The following ANXA3 variants were observed in gnomAD, a reference collection of about 807,000 sequenced individuals.
ANXA3 encodes annexin A3, also known as 35-alpha calcimedin.
Under a neutral mutation model 48.8 loss-of-function variants are expected in ANXA3, and 46 were observed. The ratio of observed to expected loss-of-function variants is 0.94; its 90% CI spans 0.74 to 1.21. The LOEUF is 1.21. ANXA3 is among the 50% of genes most tolerant of loss of function. ANXA3 has a pLI of 0.00. For synonymous variants in ANXA3, 128 were observed against 134.7 expected, an observed-to-expected ratio of 0.95 and a Z score of 0.35; for missense variants, 383 against 378.6, an observed-to-expected ratio of 1.01 and a Z score of -0.10.
At chr4:78,571,674 A>G (rs1025427095) in intron 2 of ANXA3, among the ~76,000 whole-genome samples, 2 of 152,240 alleles carry the variant, frequency 1.3e-5, no homozygotes, top group African/African-American at 2.4e-5. Context: ...TACTGTAAAG[A>G]CAGATTTTTA....
At chr4:78,581,052 A>C (rs1162379058) in intron 4 of ANXA3, among the ~76,000 whole-genome samples, 1 of 152,216 alleles carries the variant, frequency 6.6e-6, no homozygotes, top group African/African-American at 2.4e-5. Flanking sequence ...GCTTGGATTG[A>C]GGACAGATGG....
At chr4:78,595,308 T>C in intron 7 of ANXA3, 73 bp from the exon 8 acceptor site, 8 of 1,516,490 alleles carry the variant, frequency 5.3e-6, no homozygotes, top group Non-Finnish European at 7.3e-6. Context: ...TAAGATCCCC[T>C]GCTGGTTGAA....
chr4:78,605,930 G>C (rs77713657), intron 12 of ANXA3, among the ~76,000 whole-genome samples: 1 of 152,230 alleles, frequency 6.6e-6, no homozygotes, highest in Non-Finnish European at 1.5e-5. Flanking sequence ...CCCCACACCT[G>C]CTCAGTAGCC....
chr4:78,602,425 T>G (rs2109949682), intron 11 of ANXA3: 1 of 152,216 alleles, frequency 6.6e-6, no homozygotes, highest in East Asian at 1.9e-4. Context: ...ACCACATTAT[T>G]TTCACTGCTT....
intron 5 of ANXA3, among the ~76,000 whole-genome samples, chr4:78,584,933 G>A (rs1389189737): frequency 1.3e-5 from 2 of 152,218 alleles, no homozygotes; most frequent in Admixed American, 6.5e-5. Flanking sequence ...GTGAAGCTCC[G>A]AGAAAACCTT....
chr4:78,559,360 G>T (rs1222178339), intron 2 of ANXA3, among the ~76,000 whole-genome samples: 1 of 152,106 alleles, frequency 6.6e-6, no homozygotes, highest in African/African-American at 2.4e-5. Flanking sequence ...TGGGATTACA[G>T]GTGTGAGCCA....
chr4:78,595,537 T>G, intron 8 of ANXA3, 100 bp downstream of exon 8: 9 of 1,301,222 alleles, frequency 6.9e-6, no homozygotes, highest in Non-Finnish European at 1.1e-6. Flanking sequence ...AACAGGGACT[T>G]TTCTTTTTTT....
chr4:78,592,648 T>C lies in ANXA3; in HGVS notation c.483+1025T>C, dbSNP rs191923716. ...AGGGCTGGAATCTCATGCTGCCAACTAGCTTTGTATATTTGGACAAGTTCT... is the reference window on the plus strand; with the variant it reads ...AGGGCTGGAATCTCATGCTGCCAACCAGCTTTGTATATTTGGACAAGTTCT... On this transcript the variant is annotated intron_variant, in intron 7 of 12. Coordinates refer to ENST00000264908, the MANE Select transcript of ANXA3 (RefSeq NM_005139.3). Among the ~76,000 whole-genome samples, 267 of 152,326 alleles carry C rather than the reference T, an allele frequency of 1.8e-3. 1 individual carries two copies. The highest frequency in any genetic ancestry group is 2.9e-3 in the Non-Finnish European group (197 of 68,020).
chr4:78,567,841 A>G (rs1246357907), intron 2 of ANXA3, among the ~76,000 whole-genome samples: 2 of 152,244 alleles, frequency 1.3e-5, no homozygotes, highest in African/African-American at 4.8e-5. Flanking sequence ...TCCTGCTTTT[A>G]GGCAAATGGA....
At chr4:78,585,949 T>C (rs1723166147) in intron 5 of ANXA3, among the ~76,000 whole-genome samples, 2 of 152,212 alleles carry the variant, frequency 1.3e-5, no homozygotes, top group Non-Finnish European at 2.9e-5. Flanking sequence ...GTTTGAATGT[T>C]GGTAGGGTTA....
Position 78,564,883 on chromosome 4 carries a change from A to G in ANXA3, c.16-8297A>G, listed in dbSNP as rs1423732263. On this transcript the variant is annotated intron_variant, in intron 2 of 12. Coordinates refer to ENST00000264908, the MANE Select transcript of ANXA3 (RefSeq NM_005139.3). ...TCATCTGGAGAGAGTGGCTCCAGAT[A>G]AGAGTCATGAAGGTGGTTGGGCCAA... 3.3e-5 allele frequency among the ~76,000 whole-genome samples: 5 copies of G among 152,180 alleles called. No individual in the cohort carries two copies. The East Asian group carries it at 9.6e-4, about 29-fold the overall frequency.
intron 10 of ANXA3, among the ~76,000 whole-genome samples, chr4:78,600,589 A>G (rs1389417223): frequency 6.6e-6 from 1 of 152,196 alleles, no homozygotes; most frequent in Non-Finnish European, 1.5e-5. Flanking sequence ...TGGGTTTCTA[A>G]TACATTTCTC....
chr4:78,563,707 G>A (rs2109927383), intron 2 of ANXA3, among the ~76,000 whole-genome samples: 1 of 152,268 alleles, frequency 6.6e-6, no homozygotes, highest in East Asian at 1.9e-4. Context: ...ATATCAGCCT[G>A]GAATGCTAAG....
At chr4:78,564,286 G>A (rs1035372599) in intron 2 of ANXA3, among the ~76,000 whole-genome samples, 1 of 152,162 alleles carries the variant, frequency 6.6e-6, no homozygotes, top group Admixed American at 6.5e-5. Context: ...CAGTGTACTA[G>A]AAAACACTCA....
In ANXA3 at chr4:78,553,428, C is replaced by T. The variant is rs143519717; in HGVS notation, c.-38-1008C>T. ...AACTGACCTCGTTCAATGCTGGCAA[C>T]ACCCCCTTCTTCACTTTTTACAGAT... On this transcript the variant is annotated intron_variant, in intron 1 of 12. Coordinates refer to ENST00000264908, the MANE Select transcript of ANXA3 (RefSeq NM_005139.3). Among the ~76,000 whole-genome samples the T allele has an allele frequency of 2.7e-3, 411 of 152,278 alleles. 7 individuals carry two copies. The highest frequency in any genetic ancestry group is 0.025 in the East Asian group (129 of 5,186).
chr4:78,593,665 C>T (rs1723352915), intron 7 of ANXA3, among the ~76,000 whole-genome samples: 1 of 143,352 alleles, frequency 7.0e-6, no homozygotes, highest in African/African-American at 2.9e-5. Context: ...GAGACAGGAT[C>T]TGGCTCTGTT....
At chr4:78,585,551 G>A (rs377438189) in intron 5 of ANXA3, among the ~76,000 whole-genome samples, 29 of 152,330 alleles carry the variant, frequency 1.9e-4, no homozygotes, top group Middle Eastern at 3.4e-3. Flanking sequence ...GAGAAACATA[G>A]CCTTTATATG....
rs1722691909 is a variant in ANXA3 at position 78,564,609 on chromosome 4, G to A, written c.16-8571G>A. On this transcript the variant is annotated intron_variant, in intron 2 of 12. Transcript: ENST00000264908. ...GGGTGGAGAGACAGATATAAACAGCGAGAGGTATTACTCAATGCTGAGTGC... is the reference window on the plus strand; with the variant it reads ...GGGTGGAGAGACAGATATAAACAGCAAGAGGTATTACTCAATGCTGAGTGC... Among the ~76,000 whole-genome samples, 4 of 152,274 alleles carry A rather than the reference G, an allele frequency of 2.6e-5. No individual in the cohort carries two copies. The South Asian group carries it at 8.3e-4, about 32-fold the overall frequency.
At chr4:78,602,155 G>C (rs899698910) in intron 11 of ANXA3, 1 of 149,252 alleles carries the variant, frequency 6.7e-6, no homozygotes, top group Non-Finnish European at 1.5e-5. Context: ...GCAGAGAATT[G>C]CTTGAACCCA....
Sources: allele counts gnomAD v4.1 joint callset (sites outside exome capture counted in the v4.1 genomes callset), GRCh38; gene constraint gnomAD v4.1.1; transcripts MANE v1.5; gene names NCBI Gene and HGNC (gene_info 2026-07-23, HGNC 2026-07-21).